TEK: variants seen among roughly 807,000 people sequenced by gnomAD.
The protein encoded by TEK is TEK receptor tyrosine kinase.
Under a neutral mutation model 131.8 loss-of-function variants are expected in TEK, and 43 were observed. The observed-to-expected ratio is 0.33, with a 90% CI of 0.26 to 0.42. TEK has a LOEUF of 0.42. Ranked by LOEUF, TEK falls within the 10% of genes least tolerant of loss-of-function variation. The pLI is 1.00. For missense variants in TEK, 1,162 were observed against 1,384.4 expected (o/e 0.84, Z 2.55); for synonymous variants, 580 against 491.6 (o/e 1.18, Z -2.38).
chr9:27,145,374 C>A (rs1167824002), intron 1 of TEK, among the ~76,000 whole-genome samples: 1 of 152,198 alleles, frequency 6.6e-6, no homozygotes, highest in African/African-American at 2.4e-5. Context: ...AAGCACACAG[C>A]AGGACACAAA....
chr9:27,198,933 G>C (rs1825119908), intron 12 of TEK, among the ~76,000 whole-genome samples: 1 of 151,994 alleles, frequency 6.6e-6, no homozygotes, highest in African/African-American at 2.4e-5. Context: ...GAGTAGCTGG[G>C]ACCACAGGCA....
chr9:27,112,095 C>T (rs1347184825), intron 1 of TEK, among the ~76,000 whole-genome samples: 1 of 152,044 alleles, frequency 6.6e-6, no homozygotes, highest in East Asian at 1.9e-4. Context: ...GACGGGGTTT[C>T]ACCATGTTGG....
At chr9:27,178,075 T>C (rs987887845) in intron 6 of TEK, among the ~76,000 whole-genome samples, 6 of 152,168 alleles carry the variant, frequency 3.9e-5, no homozygotes, top group African/African-American at 1.4e-4. Context: ...GTCTGTTTTC[T>C]TCTAGTAGTT....
intron 2 of TEK, among the ~76,000 whole-genome samples, chr9:27,162,841 G>A (rs1213516845): frequency 2.0e-5 from 3 of 151,770 alleles, no homozygotes; most frequent in Non-Finnish European, 2.9e-5. Flanking sequence ...TCAGCCTCCC[G>A]AGCAGCTGGG....
chr9:27,172,681 G>A lies in TEK; in HGVS notation c.694G>A (p.Val232Ile), dbSNP rs1824002558. ...HLCTACMNNG[V>I]CHEDTGECIC... ...CTGTACTGCTTGTATGAACAATGGT[G>A]TCTGCCATGAAGATACTGGAGAATG... The change falls in exon 5 of 23, where the codon GTC (valine) becomes ATC (isoleucine). Residue 232 changes from valine to isoleucine, a missense_variant. Physicochemically the swap from Val to Ile is conservative, Grantham distance 29 (BLOSUM62 3). Transcript: ENST00000380036. The A allele has an allele frequency of 6.2e-7, 1 of 1,613,804 alleles. No individual in the cohort carries two copies.
At chr9:27,175,150 A>G (rs1314422268) in intron 6 of TEK, among the ~76,000 whole-genome samples, 1 of 75,618 alleles carries the variant, frequency 1.3e-5, no homozygotes, top group Non-Finnish European at 2.4e-5. Context: ...CCCCCACCCC[A>G]CAACAGTCCC....
chr9:27,120,150 C>A (rs1323349406), intron 1 of TEK, among the ~76,000 whole-genome samples: 1 of 152,206 alleles, frequency 6.6e-6, no homozygotes. Flanking sequence ...TGGTCAGCAG[C>A]TTTTCAGGAG....
At chr9:27,116,739 G>C (rs1821574886) in intron 1 of TEK, among the ~76,000 whole-genome samples, 1 of 152,108 alleles carries the variant, frequency 6.6e-6, no homozygotes, top group Non-Finnish European at 1.5e-5. Flanking sequence ...ACGAGAAAGA[G>C]CAGATACCCA....
chr9:27,189,352 A>C (rs958806195), intron 9 of TEK, among the ~76,000 whole-genome samples: 1 of 152,186 alleles, frequency 6.6e-6, no homozygotes, highest in African/African-American at 2.4e-5. Context: ...ACTCTCCCTC[A>C]TCACCATAAG....
Position 27,209,243 on chromosome 9 carries a change from T to C in TEK, c.2686+12T>C, listed in dbSNP as rs1325832246. 6.4e-7 allele frequency: 1 copy of C among 1,554,624 alleles called. No individual in the cohort carries two copies. The highest frequency in any genetic ancestry group is 1.7e-5 in the Admixed American group (1 of 59,950). On this transcript the variant is annotated intron_variant, in intron 16 of 22. Transcript: ENST00000380036. ...ATGTGAACATCGAGGTAAGATGCTC[T>C]TTTCCTGTCTTTCCTGCCAGAGTTT... is the stretch of plus-strand genomic sequence containing the variant.
chr9:27,202,180 G>C (rs974333317), intron 12 of TEK, among the ~76,000 whole-genome samples: 1 of 152,128 alleles, frequency 6.6e-6, no homozygotes, highest in African/African-American at 2.4e-5. Context: ...GTCCCTGAAT[G>C]GAATGTGATT....
intron 16 of TEK, among the ~76,000 whole-genome samples, chr9:27,211,316 ATG>A (rs1825620260): frequency 6.7e-6 from 1 of 149,748 alleles, no homozygotes; most frequent in African/African-American, 2.4e-5. Context: ...TTCAGTAAAG[ATG>A]TGAGAAAGCA....
chr9:27,148,748 G>A (rs577992806), intron 1 of TEK, among the ~76,000 whole-genome samples: 116 of 152,320 alleles, frequency 7.6e-4, no homozygotes, highest in Non-Finnish European at 9.3e-4. Flanking sequence ...CTGGCTGTTT[G>A]TGTTTCCTTC....
chr9:27,207,399 C>T (rs748648168), intron 15 of TEK, among the ~76,000 whole-genome samples: 3 of 152,206 alleles, frequency 2.0e-5, no homozygotes, highest in Non-Finnish European at 4.4e-5. Flanking sequence ...AAGTGGCTTT[C>T]TCAATGGTTC....
chr9:27,218,903 G>T, intron 20 of TEK, 86 bp downstream of exon 20: 1 of 1,299,994 alleles, frequency 7.7e-7, no homozygotes. Flanking sequence ...TAATTCCACA[G>T]GATGCCGTTT....
In TEK at chr9:27,147,008, C is replaced by T. The variant is rs1481486207; in HGVS notation, c.53-10823C>T. ...CCTCCCAAAGTGCTGGGATTACAGG[C>T]GTGAGACACTGCGCCCGGCCAACAT... On this transcript the variant is annotated intron_variant, in intron 1 of 22. Transcript: ENST00000380036. Among the ~76,000 whole-genome samples the T allele has an allele frequency of 2.6e-5, 4 of 152,226 alleles. No individual in the cohort carries two copies. The East Asian group carries it at 7.7e-4, about 29-fold the overall frequency.
chr9:27,176,736 C>T lies in TEK; in HGVS notation c.901+3374C>T, dbSNP rs1169935261. On this transcript the variant is annotated intron_variant, in intron 6 of 22. Transcript: ENST00000380036. The stretch of plus-strand genomic sequence containing the variant: ...AATTGCTCAGCACATTTCAAGTGTA[C>T]AATACAGTAATATTAAGTTTAGCTA... Among the ~76,000 whole-genome samples the T allele has an allele frequency of 2.0e-5, 3 of 152,184 alleles. No individual in the cohort carries two copies. In the East Asian group the frequency reaches 5.8e-4, roughly 29 times the overall value.
intron 1 of TEK, among the ~76,000 whole-genome samples, chr9:27,138,075 G>A (rs541683222): frequency 2.7e-4 from 41 of 152,104 alleles, no homozygotes; most frequent in African/African-American, 7.7e-4. Flanking sequence ...TGTTCCTTCC[G>A]GTGGGTTCGT....
chr9:27,141,894 C>T (rs1478969158), intron 1 of TEK, among the ~76,000 whole-genome samples: 4 of 152,162 alleles, frequency 2.6e-5, no homozygotes, highest in Admixed American at 6.5e-5. Flanking sequence ...TTATAACAGT[C>T]TGCACATTTA....
Sources: allele counts gnomAD v4.1 joint callset (sites outside exome capture counted in the v4.1 genomes callset), GRCh38; gene constraint gnomAD v4.1.1; transcripts MANE v1.5; gene names NCBI Gene and HGNC (gene_info 2026-07-23, HGNC 2026-07-21).